DRICH1: variants seen among roughly 807,000 people sequenced by gnomAD.
DRICH1 encodes the protein aspartate-rich protein 1.
In DRICH1, 38 loss-of-function variants were observed where a neutral mutation model predicts 39.5. The ratio of observed to expected loss-of-function variants is 0.96; its 90% CI spans 0.74 to 1.26. The LOEUF (loss-of-function observed/expected upper bound fraction) is 1.26, where lower values mean the gene tolerates loss of function less well. Among genes scored for constraint, DRICH1 ranks in the 50% most tolerant of loss-of-function variants. The probability of loss-of-function intolerance (pLI) is 0.00; values close to 1 mark genes in which losing one functional copy is unlikely to be tolerated. For synonymous variants in DRICH1, 84 were observed against 99.5 expected (o/e 0.84, Z 0.93); for missense variants, 279 against 270.4 (o/e 1.03, Z -0.22).
intron 4 of DRICH1, among the ~76,000 whole-genome samples, chr22:23,621,100 C>T (rs1927699645): frequency 6.6e-6 from 1 of 152,096 alleles, no homozygotes; most frequent in Non-Finnish European, 1.5e-5. Flanking sequence ...ATAATGTATA[C>T]AGTGGTCCAT....
intron 7 of DRICH1, 106 bp downstream of exon 7, chr22:23,617,469 C>T (rs1927428383): frequency 7.7e-7 from 1 of 1,303,964 alleles, no homozygotes; most frequent in South Asian, 1.2e-5. Flanking sequence ...CTCACTTTTA[C>T]TGTTTTTCAG....
At chr22:23,592,170 G>C in the DRICH1 span, among the ~76,000 whole-genome samples, 1 of 152,210 alleles carries the variant, frequency 6.6e-6, no homozygotes, top group East Asian at 1.9e-4. Flanking sequence ...GGCTGGCCTT[G>C]ACATTCTGGT....
the DRICH1 span, among the ~76,000 whole-genome samples, chr22:23,586,291 C>T: frequency 1.3e-5 from 2 of 152,188 alleles, no homozygotes; most frequent in Non-Finnish European, 1.5e-5. Flanking sequence ...GAGTTTGAAA[C>T]CAGCCTGGGG....
chr22:23,625,068 G>C (rs1484880697), intron 2 of DRICH1, among the ~76,000 whole-genome samples, 164 bp from the exon 3 acceptor site: 6 of 152,348 alleles, frequency 3.9e-5, no homozygotes, highest in Non-Finnish European at 7.3e-5. Flanking sequence ...TGAGTGAAAA[G>C]ACAAGAGCTT....
In DRICH1 at chr22:23,625,817, G is replaced by A. The variant is rs191573174; in HGVS notation, c.276+164C>T. The stretch of plus-strand genomic sequence containing the variant: ...CGGGGATAAATTGCTTGTTGAAACC[G>A]TTCTGGGTGTGTCTGCACCCAGATC... On this transcript the variant is annotated intron_variant, in intron 2 of 11. Transcript: ENST00000317749. Among the ~76,000 whole-genome samples, 345 of 152,238 alleles carry A rather than the reference G, an allele frequency of 2.3e-3. 1 individual carries two copies. Among genetic ancestry groups the A allele is most frequent in the African/African-American group, 7.8e-3 (324 of 41,530 alleles).
Position 23,613,321 on chromosome 22 carries a change from A to G in DRICH1, c.653T>C (p.Leu218Pro). Reference protein sequence around the residue: ...ITARIESDLTLESLSDEEIHP... With the variant: ...ITARIESDLTPESLSDEEIHP... The stretch of plus-strand genomic sequence containing the variant: ...AATCTCTTCATCACTTAGACTCTCC[A>G]GCGTCAAGTCTTTAGAAACAAAAAC... Residue 218 changes from leucine (L) to proline (P), a missense_variant, in exon 11 of 12, where the codon CTG becomes CCG. By Grantham distance (98) the Leu-to-Pro change is moderately conservative (BLOSUM62 -3). Coordinates refer to ENST00000317749, the MANE Select transcript of DRICH1 (RefSeq NM_016449.4). 1 of 1,613,340 alleles carries G rather than the reference A, an allele frequency of 6.2e-7. No individual in the cohort carries two copies. Among genetic ancestry groups the G allele is most frequent in the South Asian group, 1.1e-5 (1 of 91,060 alleles).
the DRICH1 span, among the ~76,000 whole-genome samples, chr22:23,584,433 GCA>G: frequency 1.3e-5 from 2 of 152,140 alleles, no homozygotes; most frequent in Non-Finnish European, 2.9e-5. Context: ...GACTCCGCCT[GCA>G]CCACCAAGGA....
chr22:23,619,555 G>GGCACCCATAA (rs5844566), intron 5 of DRICH1, among the ~76,000 whole-genome samples, 162 bp from the exon 6 acceptor site: 85,640 of 151,690 alleles, frequency 0.56, 24,692 homozygotes, highest in African/African-American at 0.68. Flanking sequence ...CCAGCATGGA[G>GGCACCCATAA]GTATCACAGA....
rs1037776165 is a variant in DRICH1 at position 23,608,705 on chromosome 22, T to C, written c.*59A>G. ...CCTCCAGGGGCAAAGCTGGGGACCC[T>C]GCAGCACGCGCTGGCCTGCCCTTTG... On this transcript the variant is annotated 3_prime_UTR_variant, in exon 12 of 12. Transcript: ENST00000317749. 3.9e-6 allele frequency: 6 copies of C among 1,537,210 alleles called. No individual in the cohort carries two copies. In the African/African-American group the frequency reaches 8.2e-5, roughly 21 times the overall value.
At position 23,624,580 on chromosome 22, in the gene DRICH1, C is replaced by A. The variant is rs367603629; in HGVS notation, c.298+303G>T. 3.9e-5 allele frequency among the ~76,000 whole-genome samples: 6 copies of A among 152,280 alleles called. No homozygotes were observed. The South Asian group carries it at 1.2e-3, about 32-fold the overall frequency. ...ACCTGAAAAAGCATAGTCTTCCCCA[C>A]TAAAGTTCTCCAGAATCCACTCTTT... is the stretch of plus-strand genomic sequence containing the variant. On this transcript the variant is annotated intron_variant, in intron 3 of 11. Coordinates refer to ENST00000317749, the MANE Select transcript of DRICH1 (RefSeq NM_016449.4).
chr22:23,613,309 C>A lies in DRICH1; in HGVS notation c.665G>T (p.Ser222Ile). 6.2e-7 allele frequency: 1 copy of A among 1,613,632 alleles called. No homozygotes were observed. Among genetic ancestry groups the A allele is most frequent in the East Asian group, 2.2e-5 (1 of 44,886 alleles). Residue 222 changes from serine (S) to isoleucine (I), a missense_variant, in exon 11 of 12, where the codon AGT becomes ATT. Physicochemically the swap from Ser to Ile is moderately radical, Grantham distance 142 (BLOSUM62 -2). Transcript: ENST00000317749. ...CCTACCTGGATGAATCTCTTCATCA[C>A]TTAGACTCTCCAGCGTCAAGTCTTT... ...IESDLTLESL[S>I]DEEIHPG is the part of the protein sequence containing the mutation.
At chr22:23,591,835 T>C in the DRICH1 span, among the ~76,000 whole-genome samples, 1 of 152,212 alleles carries the variant, frequency 6.6e-6, no homozygotes, top group Non-Finnish European at 1.5e-5. Flanking sequence ...TATTTTCTCC[T>C]TTCCCACGAA....
chr22:23,600,831 A>G, the DRICH1 span, among the ~76,000 whole-genome samples: 1 of 151,558 alleles, frequency 6.6e-6, no homozygotes, highest in East Asian at 1.9e-4. Flanking sequence ...CGCCACCATG[A>G]CCAGCTAATT....
the DRICH1 span, among the ~76,000 whole-genome samples, chr22:23,592,874 AC>A: frequency 2.3e-3 from 342 of 149,900 alleles, 2 homozygotes; most frequent in East Asian, 7.4e-3. Flanking sequence ...ACACACACAC[AC>A]ACACAAAATT....
intron 1 of DRICH1, among the ~76,000 whole-genome samples, chr22:23,627,610 GAAC>G (rs1928145185): frequency 6.6e-6 from 1 of 152,166 alleles, no homozygotes; most frequent in African/African-American, 2.4e-5. Flanking sequence ...ACAACAATGA[GAAC>G]AACATCCAGG....
the DRICH1 span, among the ~76,000 whole-genome samples, chr22:23,596,036 G>A: frequency 6.6e-6 from 1 of 152,146 alleles, no homozygotes; most frequent in Non-Finnish European, 1.5e-5. Flanking sequence ...GAGCTCTCAG[G>A]GGCACTTCTG....
At chr22:23,621,408 G>GT in intron 4 of DRICH1, among the ~76,000 whole-genome samples, 1 of 151,682 alleles carries the variant, frequency 6.6e-6, no homozygotes, top group Admixed American at 6.6e-5. Context: ...ACAAAATGCA[G>GT]TAAGACAACC....
chr22:23,628,137 A>G (rs572485761), intron 1 of DRICH1, among the ~76,000 whole-genome samples: 4 of 152,316 alleles, frequency 2.6e-5, no homozygotes, highest in African/African-American at 9.6e-5. Flanking sequence ...AGTTGCAAGG[A>G]TGAGCTGGAC....
rs927451927 is a variant in DRICH1 at position 23,614,163 on chromosome 22, T to A, written c.593A>T (p.Glu198Val). 2.5e-6 allele frequency: 4 copies of A among 1,613,746 alleles called. No homozygotes were observed. The African/African-American group carries it at 5.3e-5, about 22-fold the overall frequency. Residue 198 changes from glutamate (E) to valine (V), a missense_variant, in exon 9 of 12, where the codon GAA (glutamate) becomes GTA (valine). Glu to Val is a moderately radical substitution (Grantham distance 121). Coordinates refer to ENST00000317749, the MANE Select transcript of DRICH1 (RefSeq NM_016449.4). ...GATGTCATCATCATCTTCTTCTTCTTCATCTTTGTGTCTCAGTGAGCATCT... is the reference window on the plus strand; with the variant it reads ...GATGTCATCATCATCTTCTTCTTCTACATCTTTGTGTCTCAGTGAGCATCT... ...FLRCSLRHKD[E>V]EEEDDDDIHI...
Sources: gnomAD v4.1 joint callset for allele counts (sites outside exome capture counted in the v4.1 genomes callset) on GRCh38, gnomAD v4.1.1 for gene constraint, MANE v1.5 for transcripts, NCBI Gene and HGNC (gene_info 2026-07-23, HGNC 2026-07-21) for gene names.